Variants in SEMA6D observed in about 807,000 individuals in gnomAD.
SEMA6D encodes the protein semaphorin-6D.
A neutral mutation model predicts 106.6 loss-of-function variants in SEMA6D; 35 were observed. The observed-to-expected ratio is 0.33, with a 90% CI of 0.25 to 0.44. The LOEUF (loss-of-function observed/expected upper bound fraction) is 0.44, where lower values mean the gene tolerates loss of function less well. Ranked by LOEUF, SEMA6D falls within the 20% of genes least tolerant of loss-of-function variation. SEMA6D has a pLI of 1.00. For synonymous variants in SEMA6D, 499 were observed against 487.7 expected, an observed-to-expected ratio of 1.02 and a Z score of -0.31; for missense variants, 1,185 against 1,345.9, an observed-to-expected ratio of 0.88 and a Z score of 1.87.
intron 18 of SEMA6D, 74 bp downstream of exon 18, chr15:47,768,822 T>C (rs2082484498): frequency 7.0e-7 from 1 of 1,438,742 alleles, no homozygotes; most frequent in African/African-American, 1.4e-5. Flanking sequence ...GAGTATGTGG[T>C]TCTCCAGAGG....
chr15:47,435,736 T>C (rs74787996), intron 2 of SEMA6D, among the ~76,000 whole-genome samples: 8,381 of 152,210 alleles, frequency 0.055, 417 homozygotes, highest in East Asian at 0.24. Context: ...CTGTTTTTCA[T>C]TGATTTCTTT....
intron 3 of SEMA6D, among the ~76,000 whole-genome samples, chr15:47,478,821 T>C (rs1341927590): frequency 6.6e-6 from 1 of 152,096 alleles, no homozygotes; most frequent in African/African-American, 2.4e-5. Context: ...GACTCACAGT[T>C]CCACATGGCT....
chr15:47,186,652 C>T (rs1893596418), intron 1 of SEMA6D, among the ~76,000 whole-genome samples: 2 of 152,026 alleles, frequency 1.3e-5, no homozygotes, highest in South Asian at 4.1e-4. Context: ...TACTTGTATA[C>T]CATGTCCAAC....
intron 4 of SEMA6D, among the ~76,000 whole-genome samples, chr15:47,663,159 G>T (rs1327854775): frequency 6.6e-6 from 1 of 152,174 alleles, no homozygotes; most frequent in African/African-American, 2.4e-5. Flanking sequence ...TACAGTGCAG[G>T]TACTCAATAA....
chr15:47,763,455 C>G (rs1208804215), intron 9 of SEMA6D, among the ~76,000 whole-genome samples: 3 of 152,064 alleles, frequency 2.0e-5, no homozygotes, highest in African/African-American at 7.2e-5. Flanking sequence ...TAGAAAGTAG[C>G]GACCCCATTC....
intron 4 of SEMA6D, among the ~76,000 whole-genome samples, chr15:47,637,057 G>C (rs1048372617): frequency 6.6e-6 from 1 of 152,186 alleles, no homozygotes; most frequent in Non-Finnish European, 1.5e-5. Context: ...AAGGGGCCCA[G>C]GAGTGCCAGA....
At chr15:47,185,306 CT>C (rs1235041788) in intron 1 of SEMA6D, among the ~76,000 whole-genome samples, 1 of 152,216 alleles carries the variant, frequency 6.6e-6, no homozygotes, top group Admixed American at 6.5e-5. Context: ...GAGTGCGAAA[CT>C]TAGATCTGAC....
chr15:47,759,189 A>AG (rs1314301054), intron 1 of SEMA6D, among the ~76,000 whole-genome samples: 8 of 152,214 alleles, frequency 5.3e-5, no homozygotes, highest in African/African-American at 1.9e-4. Flanking sequence ...GGTCGTAGTA[A>AG]GCATAGGGAA....
chr15:47,741,550 C>G (rs1280570644), intron 1 of SEMA6D, among the ~76,000 whole-genome samples: 1 of 152,124 alleles, frequency 6.6e-6, no homozygotes, highest in East Asian at 1.9e-4. Flanking sequence ...AACCTCGTCT[C>G]TACTAAAAAT....
At chr15:47,615,763 T>G (rs1019253078) in intron 4 of SEMA6D, among the ~76,000 whole-genome samples, 1 of 152,222 alleles carries the variant, frequency 6.6e-6, no homozygotes, top group Admixed American at 6.5e-5. Context: ...TTGACACTCA[T>G]GCAAGCCCTG....
intron 4 of SEMA6D, among the ~76,000 whole-genome samples, chr15:47,614,461 C>T (rs2076970454): frequency 6.6e-6 from 1 of 152,200 alleles, no homozygotes; most frequent in African/African-American, 2.4e-5. Context: ...GTTCAAATCC[C>T]TCTTTCTCTC....
At chr15:47,754,461 A>T (rs1191076568) in intron 1 of SEMA6D, among the ~76,000 whole-genome samples, 2 of 152,148 alleles carry the variant, frequency 1.3e-5, no homozygotes, top group Non-Finnish European at 2.9e-5. Flanking sequence ...GCAACTTAAA[A>T]ATGTCATTCT....
At chr15:47,651,998 T>A (rs1199050679) in intron 4 of SEMA6D, among the ~76,000 whole-genome samples, 2 of 152,256 alleles carry the variant, frequency 1.3e-5, no homozygotes, top group African/African-American at 4.8e-5. Context: ...AACGTTTCTC[T>A]AATTTCCCAA....
chr15:47,330,961 C>T (rs1366612601), intron 1 of SEMA6D, among the ~76,000 whole-genome samples: 1 of 152,182 alleles, frequency 6.6e-6, no homozygotes, highest in Non-Finnish European at 1.5e-5. Flanking sequence ...GGAAGTGAGT[C>T]TCCTCCTCCA....
intron 1 of SEMA6D, among the ~76,000 whole-genome samples, chr15:47,277,616 A>ATTATTATTTATTTAT (rs1555414615): frequency 4.2e-4 from 57 of 137,212 alleles, no homozygotes; most frequent in Non-Finnish European, 4.9e-4. Context: ...ATTATTATTT[A>ATTATTATTTATTTAT]TTATTATTAT....
At chr15:47,623,720 G>A (rs2077152092) in intron 4 of SEMA6D, among the ~76,000 whole-genome samples, 1 of 152,054 alleles carries the variant, frequency 6.6e-6, no homozygotes, top group African/African-American at 2.4e-5. Context: ...ATATTTTCAA[G>A]GGCTTCTGTG....
upstream of SEMA6D, among the ~76,000 whole-genome samples, chr15:47,714,239 T>A (rs2079070565): frequency 6.6e-6 from 1 of 152,100 alleles, no homozygotes; most frequent in Non-Finnish European, 1.5e-5. Flanking sequence ...CTATTACAAC[T>A]AAGTAAGGGG....
intron 8 of SEMA6D, among the ~76,000 whole-genome samples, 170 bp downstream of exon 8, chr15:47,762,489 G>A (rs2082114199): frequency 6.6e-6 from 1 of 152,022 alleles, no homozygotes; most frequent in African/African-American, 2.4e-5. Context: ...TGAGGAGGCT[G>A]GTAGCCATGT....
chr15:47,422,171 C>T (rs59815685), intron 2 of SEMA6D, among the ~76,000 whole-genome samples: 54,348 of 115,410 alleles, frequency 0.47, 13,219 homozygotes, highest in East Asian at 0.54. Context: ...TTTGCCCGCC[C>T]GCCTGCCTGC....
Sources: gnomAD v4.1 joint callset for allele counts (sites outside exome capture counted in the v4.1 genomes callset) on GRCh38, gnomAD v4.1.1 for gene constraint, MANE v1.5 for transcripts, NCBI Gene and HGNC (gene_info 2026-07-23, HGNC 2026-07-21) for gene names.